The following CNNM2 variants were observed in gnomAD, a reference collection of about 807,000 sequenced individuals.
CNNM2 encodes cyclin and CBS domain divalent metal cation transport mediator 2.
CNNM2 carries 12 observed loss-of-function variants against 66.9 expected under a neutral mutation model. That is an observed-to-expected ratio of 0.18 (90% CI 0.11 to 0.29). CNNM2 has a LOEUF of 0.29. Ranked by LOEUF, CNNM2 falls within the 10% of genes least tolerant of loss-of-function variation. The pLI, the probability that CNNM2 is intolerant of heterozygous loss-of-function variation, is 1.00. For synonymous variants in CNNM2, 557 were observed against 501.8 expected, an observed-to-expected ratio of 1.11 and a Z score of -1.47; for missense variants, 705 against 1,167.7, an observed-to-expected ratio of 0.60 and a Z score of 5.77.
chr10:102,969,360 C>T (rs1389758230), intron 1 of CNNM2, among the ~76,000 whole-genome samples: 2 of 151,210 alleles, frequency 1.3e-5, no homozygotes, highest in East Asian at 2.0e-4. Context: ...ATTACAGGTG[C>T]CTGCCACCAC....
At position 103,028,845 on chromosome 10, in the gene CNNM2, G is replaced by C. The variant is rs1363510070; in HGVS notation, c.1622-20862G>C. Among the ~76,000 whole-genome samples, 5 of 101,868 alleles carry C rather than the reference G, an allele frequency of 4.9e-5. No individual in the cohort carries two copies. In the Admixed American group the frequency reaches 5.9e-4, roughly 12 times the overall value. The allele number at this position is 101,868 out of a possible 152,430, so 66.8% of individuals were successfully genotyped here. ...TTTTTTTTCTTTTTTTTTTTTTTGA[G>C]ACAGTCTCGCTGTGTCACTCAGGCT... On this transcript the variant is annotated intron_variant, in intron 1 of 7. Transcript: ENST00000369878.
intron 1 of CNNM2, among the ~76,000 whole-genome samples, chr10:102,991,879 C>G (rs2063904375): frequency 6.6e-6 from 1 of 152,112 alleles, no homozygotes; most frequent in African/African-American, 2.4e-5. Flanking sequence ...CTTGGTTATA[C>G]TCTTATTTAG....
Position 103,004,330 on chromosome 10 carries a change from C to G in CNNM2, c.1622-45377C>G, listed in dbSNP as rs2064185159. Among the ~76,000 whole-genome samples the G allele has an allele frequency of 6.6e-6, 1 of 152,092 alleles. No individual in the cohort carries two copies. The highest frequency in any genetic ancestry group is 1.5e-5 in the Non-Finnish European group (1 of 68,022). On this transcript the variant is annotated intron_variant, in intron 1 of 7. Coordinates refer to ENST00000369878, the MANE Select transcript of CNNM2 (RefSeq NM_017649.5). ...TTGCGTGATTATACCACACTTTATT[C>G]TTTCTATTTTTGAACATTTAGGTAG...
chr10:103,072,443 C>T (rs963662175), intron 6 of CNNM2, among the ~76,000 whole-genome samples: 2 of 151,786 alleles, frequency 1.3e-5, no homozygotes, highest in African/African-American at 2.4e-5. Context: ...GCAGGCGACC[C>T]CGCTTCTCCC....
intron 1 of CNNM2, among the ~76,000 whole-genome samples, chr10:103,013,648 A>G (rs2064388117): frequency 6.6e-6 from 1 of 152,208 alleles, no homozygotes; most frequent in Non-Finnish European, 1.5e-5. Context: ...ATCGCTGTGA[A>G]TGGAACAACC....
At chr10:102,990,599 G>A (rs1003868734) in intron 1 of CNNM2, among the ~76,000 whole-genome samples, 2 of 152,170 alleles carry the variant, frequency 1.3e-5, no homozygotes, top group African/African-American at 4.8e-5. Flanking sequence ...AAGTCTTCAT[G>A]TGTACAAAGT....
chr10:103,058,380 A>T (rs961149781), intron 4 of CNNM2, among the ~76,000 whole-genome samples: 3 of 152,256 alleles, frequency 2.0e-5, no homozygotes, highest in African/African-American at 7.2e-5. Context: ...CTCTGGATAC[A>T]TCAAAGACTG....
At chr10:103,050,824 G>A (rs1282157354) in intron 2 of CNNM2, among the ~76,000 whole-genome samples, 4 of 152,144 alleles carry the variant, frequency 2.6e-5, no homozygotes, top group African/African-American at 9.7e-5. Flanking sequence ...TTGCCCAGGT[G>A]TAGACTTGAT....
chr10:102,998,461 CG>C (rs1158507993), intron 1 of CNNM2, among the ~76,000 whole-genome samples: 3 of 152,228 alleles, frequency 2.0e-5, no homozygotes, highest in Admixed American at 2.0e-4. Context: ...AGATCCTTCA[CG>C]TATATATGCG....
chr10:102,945,041 A>C (rs1486627388), intron 1 of CNNM2, among the ~76,000 whole-genome samples: 1 of 151,958 alleles, frequency 6.6e-6, no homozygotes, highest in African/African-American at 2.4e-5. Context: ...ATAATTAACA[A>C]GGAATCTATG....
intron 1 of CNNM2, among the ~76,000 whole-genome samples, chr10:103,034,879 T>C (rs1390673537): frequency 6.7e-6 from 1 of 149,232 alleles, no homozygotes; most frequent in African/African-American, 2.5e-5. Context: ...GGCAGGAGAA[T>C]GGCGTGAACC....
Position 102,999,029 on chromosome 10 carries a change from C to A in CNNM2, c.1622-50678C>A, listed in dbSNP as rs888922821. On this transcript the variant is annotated intron_variant, in intron 1 of 7. Coordinates refer to ENST00000369878, the MANE Select transcript of CNNM2 (RefSeq NM_017649.5). ...AAGTGATTCTTGTGCCTCAGCCTCC[C>A]GAGTAGCTGGGATTACAGGCAAAAA... Among the ~76,000 whole-genome samples the A allele has an allele frequency of 3.3e-5, 5 of 151,956 alleles. No individual in the cohort carries two copies. In the South Asian group the frequency reaches 6.3e-4, roughly 19 times the overall value.
intron 1 of CNNM2, among the ~76,000 whole-genome samples, chr10:103,041,875 T>G (rs1000338574): frequency 6.6e-6 from 1 of 152,138 alleles, no homozygotes; most frequent in Non-Finnish European, 1.5e-5. Context: ...GGCACCCCCA[T>G]GCTTAGCGCT....
chr10:103,000,961 A>C (rs1480660617), intron 1 of CNNM2, among the ~76,000 whole-genome samples: 2 of 152,224 alleles, frequency 1.3e-5, no homozygotes, highest in Non-Finnish European at 2.9e-5. Flanking sequence ...ATGAATGGGT[A>C]AGCAAAATGT....
chr10:103,071,053 A>G (rs2065571180), intron 5 of CNNM2, among the ~76,000 whole-genome samples: 1 of 152,200 alleles, frequency 6.6e-6, no homozygotes, highest in Non-Finnish European at 1.5e-5. Context: ...CACAGTTAGT[A>G]CAGATATCAC....
chr10:102,937,957 T>C (rs1846300496), intron 1 of CNNM2, among the ~76,000 whole-genome samples: 1 of 151,910 alleles, frequency 6.6e-6, no homozygotes, highest in African/African-American at 2.4e-5. Context: ...TAGGATAAGT[T>C]AGCTATCATT....
At chr10:103,039,423 G>A (rs1400044071) in intron 1 of CNNM2, among the ~76,000 whole-genome samples, 1 of 152,056 alleles carries the variant, frequency 6.6e-6, no homozygotes, top group African/African-American at 2.4e-5. Flanking sequence ...AGGTGTGACC[G>A]ATTGCGCCTG....
Position 103,083,895 on chromosome 10 carries a change from A to AT in CNNM2, c.*6716dup, listed in dbSNP as rs1392874940. ...GCCTGGGAGGAAGGTCGGAGCAGGC[A>AT]TGGATAGTCACTTTCAAGTGGAAAA... On this transcript the variant is annotated 3_prime_UTR_variant, in exon 8 of 8. Coordinates refer to ENST00000369878, the MANE Select transcript of CNNM2 (RefSeq NM_017649.5). 2 of 152,238 alleles carry AT rather than the reference A, an allele frequency of 1.3e-5. No individual in the cohort carries two copies. The highest frequency in any genetic ancestry group is 1.3e-4 in the Admixed American group (2 of 15,280). 9.4% of individuals were successfully genotyped at this position (152,238 alleles called of 1,614,324 possible). A position where few individuals can be genotyped will look rare whatever the true frequency, so the allele number is the denominator to read the frequency against.
At chr10:103,059,064 C>T (rs2065341392) in intron 4 of CNNM2, among the ~76,000 whole-genome samples, 1 of 152,116 alleles carries the variant, frequency 6.6e-6, no homozygotes, top group Non-Finnish European at 1.5e-5. Flanking sequence ...ACCTCTGCTT[C>T]CCAAATTTAA....
Sources: allele counts gnomAD v4.1 joint callset (sites outside exome capture counted in the v4.1 genomes callset), GRCh38; gene constraint gnomAD v4.1.1; transcripts MANE v1.5; gene names NCBI Gene and HGNC (gene_info 2026-07-23, HGNC 2026-07-21).